The following MAD1L1 variants were observed in gnomAD, a reference collection of about 807,000 sequenced individuals.
MAD1L1 encodes the protein mitotic spindle assembly checkpoint protein MAD1.
In MAD1L1, 95 loss-of-function variants were observed where a neutral mutation model predicts 96.9. The ratio of observed to expected loss-of-function variants is 0.98; its 90% CI spans 0.83 to 1.16. MAD1L1 has a LOEUF of 1.16. MAD1L1 is among the 50% of genes most tolerant of loss of function. The pLI, the probability that MAD1L1 is intolerant of heterozygous loss-of-function variation, is 0.00. For synonymous variants in MAD1L1, 473 were observed against 396.6 expected, an observed-to-expected ratio of 1.19 and a Z score of -2.29; for missense variants, 1,007 against 954.4, an observed-to-expected ratio of 1.06 and a Z score of -0.73.
At chr7:2,129,221 C>A (rs1192487828) in intron 11 of MAD1L1, among the ~76,000 whole-genome samples, 1 of 152,212 alleles carries the variant, frequency 6.6e-6, no homozygotes, top group Non-Finnish European at 1.5e-5. Context: ...AGGCAGCTCA[C>A]ATGTGCAGCA....
chr7:2,002,592 C>T (rs891089254), intron 13 of MAD1L1, among the ~76,000 whole-genome samples: 1 of 152,178 alleles, frequency 6.6e-6, no homozygotes, highest in African/African-American at 2.4e-5. Context: ...GCATCTCCTC[C>T]ACCACGGCCA....
intron 16 of MAD1L1, among the ~76,000 whole-genome samples, chr7:1,956,170 G>C (rs1262540731): frequency 1.3e-5 from 2 of 152,132 alleles, no homozygotes; most frequent in Non-Finnish European, 2.9e-5. Flanking sequence ...GGCATCCAGA[G>C]CCAGGGGCAG....
intron 12 of MAD1L1, among the ~76,000 whole-genome samples, chr7:2,025,848 T>G (rs59412980): frequency 4.3e-4 from 65 of 152,156 alleles, no homozygotes; most frequent in African/African-American, 1.5e-3. Flanking sequence ...ATCACCAACA[T>G]AGCCACTAAA....
intron 18 of MAD1L1, among the ~76,000 whole-genome samples, chr7:1,881,109 T>C (rs1785655079): frequency 6.6e-6 from 1 of 152,140 alleles, no homozygotes; most frequent in Non-Finnish European, 1.5e-5. Context: ...TCATTAAGAT[T>C]ATGAGCCATG....
At chr7:2,061,048 A>C (rs1784639871) in intron 12 of MAD1L1, among the ~76,000 whole-genome samples, 2 of 152,386 alleles carry the variant, frequency 1.3e-5, no homozygotes, top group African/African-American at 4.8e-5. Flanking sequence ...ACAATCATTT[A>C]AAGGCCCAGG....
chr7:1,908,541 C>T (rs888468292), intron 17 of MAD1L1, among the ~76,000 whole-genome samples: 7 of 152,160 alleles, frequency 4.6e-5, no homozygotes, highest in African/African-American at 1.4e-4. Flanking sequence ...CACCACCACA[C>T]TGGGCTAATA....
rs75628715 is a variant in MAD1L1 at position 2,013,215 on chromosome 7, G to A, written c.1359+1287C>T. 2.0e-4 allele frequency among the ~76,000 whole-genome samples: 31 copies of A among 152,348 alleles called. 1 individual carries two copies. In the East Asian group the frequency reaches 2.3e-3, roughly 11 times the overall value. ...CGCCTGTGAGGCTGGCTCTCCATCG[G>A]GGGACCCAGGTCATCTTCCAGCTGG... On this transcript the variant is annotated intron_variant, in intron 13 of 18. Transcript: ENST00000265854.
At chr7:1,876,213 C>A (rs923173135) in intron 18 of MAD1L1, among the ~76,000 whole-genome samples, 1 of 152,268 alleles carries the variant, frequency 6.6e-6, no homozygotes, top group Admixed American at 6.5e-5. Flanking sequence ...GGCATGGCAG[C>A]CCCACCTAGG....
At chr7:2,177,943 C>T (rs991093651) in intron 10 of MAD1L1, among the ~76,000 whole-genome samples, 1 of 151,356 alleles carries the variant, frequency 6.6e-6, no homozygotes, top group Non-Finnish European at 1.5e-5. Flanking sequence ...CTTTCAAACA[C>T]ACCAGGAGGT....
intron 18 of MAD1L1, among the ~76,000 whole-genome samples, chr7:1,834,999 T>TG (rs1208753849): frequency 2.6e-5 from 4 of 152,154 alleles, no homozygotes; most frequent in Non-Finnish European, 4.4e-5. Flanking sequence ...AATACAAGGT[T>TG]GGTTTAACCC....
intron 18 of MAD1L1, among the ~76,000 whole-genome samples, chr7:1,818,732 G>A (rs1305819668): frequency 2.6e-5 from 4 of 152,010 alleles, no homozygotes; most frequent in Non-Finnish European, 5.9e-5. Flanking sequence ...CCCCGCCAGC[G>A]TCAGCAAGAC....
At chr7:2,132,168 T>A (rs1788539288) in intron 11 of MAD1L1, among the ~76,000 whole-genome samples, 1 of 152,206 alleles carries the variant, frequency 6.6e-6, no homozygotes, top group East Asian at 1.9e-4. Context: ...GATATTCTTT[T>A]TTCAAGCAAT....
chr7:2,153,171 C>A (rs1013022532), intron 10 of MAD1L1, among the ~76,000 whole-genome samples: 6 of 151,992 alleles, frequency 3.9e-5, no homozygotes, highest in African/African-American at 1.5e-4. Flanking sequence ...GCAACAAAAA[C>A]AAAAATAGAC....
At chr7:1,885,092 G>A (rs1053279240) in intron 18 of MAD1L1, among the ~76,000 whole-genome samples, 3 of 152,206 alleles carry the variant, frequency 2.0e-5, no homozygotes, top group African/African-American at 7.2e-5. Flanking sequence ...TGGACCCAAG[G>A]CGGGGACCCA....
intron 11 of MAD1L1, among the ~76,000 whole-genome samples, chr7:2,092,527 C>T (rs928321833): frequency 4.6e-5 from 7 of 152,076 alleles, no homozygotes; most frequent in Admixed American, 2.0e-4. Context: ...CTCTGGATAT[C>T]GGTGACTGTG....
intron 12 of MAD1L1, among the ~76,000 whole-genome samples, chr7:2,038,568 G>A (rs897677351): frequency 4.3e-5 from 6 of 139,808 alleles, no homozygotes; most frequent in African/African-American, 1.4e-4. Context: ...GCTGGAGCAC[G>A]GTGGCACAAT....
intron 14 of MAD1L1, among the ~76,000 whole-genome samples, chr7:1,986,125 C>G (rs1477286870): frequency 6.6e-6 from 1 of 152,190 alleles, no homozygotes; most frequent in East Asian, 1.9e-4. Context: ...AAGGACAGGC[C>G]TGCTTCCTTT....
At chr7:2,053,005 G>A (rs1784249432) in intron 12 of MAD1L1, among the ~76,000 whole-genome samples, 2 of 152,202 alleles carry the variant, frequency 1.3e-5, no homozygotes, top group African/African-American at 4.8e-5. Context: ...GGGAACGGGT[G>A]GGTGCCGCCT....
chr7:2,188,035 TG>T (rs1791543186), intron 10 of MAD1L1, among the ~76,000 whole-genome samples: 1 of 152,250 alleles, frequency 6.6e-6, no homozygotes, highest in African/African-American at 2.4e-5. Context: ...GTGATTAGCT[TG>T]TAATTTCTTT....
Sources: allele counts gnomAD v4.1 joint callset (sites outside exome capture counted in the v4.1 genomes callset), GRCh38; gene constraint gnomAD v4.1.1; transcripts MANE v1.5; gene names NCBI Gene and HGNC (gene_info 2026-07-23, HGNC 2026-07-21).